Variants in RASAL2 observed in about 807,000 individuals in gnomAD.
RASAL2 encodes the protein ras GTPase-activating protein nGAP.
In RASAL2, 58 loss-of-function variants were observed where a neutral mutation model predicts 128.9. The ratio of observed to expected loss-of-function variants is 0.45; its 90% CI spans 0.36 to 0.56. RASAL2 has a LOEUF of 0.56. RASAL2 is among the 20% of genes least tolerant of loss of function. The probability of loss-of-function intolerance (pLI) is 0.00; values close to 1 mark genes in which losing one functional copy is unlikely to be tolerated. For missense variants in RASAL2, 1,360 were observed against 1,601.6 expected (o/e 0.85, Z 2.57); for synonymous variants, 561 against 580.8 (o/e 0.97, Z 0.49).
At chr1:178,272,031 A>G (rs1419953943) in intron 1 of RASAL2, among the ~76,000 whole-genome samples, 3 of 152,120 alleles carry the variant, frequency 2.0e-5, no homozygotes, top group Non-Finnish European at 4.4e-5. Context: ...GCCTAAGTCT[A>G]TTGCTTGTTG....
intron 1 of RASAL2, among the ~76,000 whole-genome samples, chr1:178,261,112 T>C (rs1665673591): frequency 1.3e-5 from 2 of 152,214 alleles, no homozygotes; most frequent in South Asian, 4.1e-4. Flanking sequence ...TTTGGAACTC[T>C]CTAATTTTAG....
chr1:178,442,149 A>G, intron 7 of RASAL2, among the ~76,000 whole-genome samples: 1 of 152,142 alleles, frequency 6.6e-6, no homozygotes, highest in East Asian at 1.9e-4. Flanking sequence ...CCCCACCTCT[A>G]GCACTGGGGA....
intron 1 of RASAL2, among the ~76,000 whole-genome samples, chr1:178,131,644 A>G (rs1284105368): frequency 1.3e-5 from 2 of 152,080 alleles, no homozygotes; most frequent in African/African-American, 2.4e-5. Flanking sequence ...TTAGCTGAAC[A>G]TTCTTTTATC....
At position 178,228,610 on chromosome 1, in the gene RASAL2, G is replaced by A. The variant is rs543237165; in HGVS notation, c.203-54954G>A. 1.6e-3 allele frequency among the ~76,000 whole-genome samples: 237 copies of A among 152,192 alleles called. 1 individual carries two copies. Among genetic ancestry groups the A allele is most frequent in the African/African-American group, 5.4e-3 (225 of 41,530 alleles). On this transcript the variant is annotated intron_variant, in intron 1 of 17. Coordinates refer to ENST00000367649, the MANE Select transcript of RASAL2 (RefSeq NM_170692.4). ...AAAAAAAGAATTTTGGTAGTTTTTC[G>A]AAACAATTGTGTTGATGGTTTACAA...
chr1:178,295,005 G>A (rs1274273376), intron 2 of RASAL2, among the ~76,000 whole-genome samples: 1 of 152,158 alleles, frequency 6.6e-6, no homozygotes, highest in Non-Finnish European at 1.5e-5. Context: ...TGAGAAATCT[G>A]TTTAAAACCT....
intron 2 of RASAL2, among the ~76,000 whole-genome samples, chr1:178,288,620 C>A (rs1443579061): frequency 6.8e-6 from 1 of 147,376 alleles, no homozygotes; most frequent in Non-Finnish European, 1.5e-5. Context: ...TCATTCCCAT[C>A]AGCATGCTAT....
At chr1:178,348,872 T>G (rs887500222) in intron 3 of RASAL2, among the ~76,000 whole-genome samples, 1 of 150,578 alleles carries the variant, frequency 6.6e-6, no homozygotes, top group Admixed American at 6.6e-5. Flanking sequence ...CGATCTCGGC[T>G]CACTGCAAGC....
chr1:178,207,174 GAT>G (rs1404086426), intron 1 of RASAL2, among the ~76,000 whole-genome samples: 1 of 148,056 alleles, frequency 6.8e-6, no homozygotes, highest in Non-Finnish European at 1.5e-5. Context: ...AAAAAGTAAT[GAT>G]TTTAAAGCAT....
chr1:178,248,733 T>C (rs1484781543), intron 1 of RASAL2, among the ~76,000 whole-genome samples: 2 of 151,960 alleles, frequency 1.3e-5, no homozygotes, highest in Non-Finnish European at 2.9e-5. Flanking sequence ...TGTAAGGCCT[T>C]GTGGTGACAA....
At chr1:178,116,845 C>T (rs1020487479) in intron 1 of RASAL2, among the ~76,000 whole-genome samples, 2 of 152,098 alleles carry the variant, frequency 1.3e-5, no homozygotes, top group Non-Finnish European at 2.9e-5. Flanking sequence ...CTCCTGACCT[C>T]GTGATCCGCC....
intron 1 of RASAL2, among the ~76,000 whole-genome samples, chr1:178,273,745 G>T (rs1017784035): frequency 3.9e-5 from 6 of 152,104 alleles, no homozygotes; most frequent in African/African-American, 1.4e-4. Context: ...CGATAAGAGG[G>T]ATGTTTTTCT....
intron 4 of RASAL2, among the ~76,000 whole-genome samples, chr1:178,412,554 CCA>C (rs953271681): frequency 2.6e-5 from 4 of 152,182 alleles, no homozygotes; most frequent in African/African-American, 7.2e-5. Flanking sequence ...GTATTACTGC[CCA>C]CTCTGTGCAA....
chr1:178,150,062 G>A (rs139836659), intron 1 of RASAL2, among the ~76,000 whole-genome samples: 37 of 152,156 alleles, frequency 2.4e-4, no homozygotes, highest in African/African-American at 8.7e-4. Flanking sequence ...TTACTTCCTT[G>A]TCAATTCATT....
intron 1 of RASAL2, among the ~76,000 whole-genome samples, chr1:178,152,824 T>C (rs532314003): frequency 6.6e-6 from 1 of 152,354 alleles, no homozygotes; most frequent in East Asian, 1.9e-4. Flanking sequence ...TGAACCTGTT[T>C]ACTTTCCAGT....
Position 178,341,340 on chromosome 1 carries a change from G to C in RASAL2, c.457+41222G>C, listed in dbSNP as rs75299672. ...AGTGCTGTGAAAGAAAGCCCAGTGA[G>C]TGAGTAAGGAAGGGTGGCTATTGTT... On this transcript the variant is annotated intron_variant, in intron 3 of 17. Transcript: ENST00000367649. The C allele has an allele frequency of 4.5e-4, 449 of 999,658 alleles. 2 individuals are homozygous for C. The African/African-American group carries it at 6.5e-3, about 15-fold the overall frequency. 61.9% of individuals were successfully genotyped at this position (999,658 alleles called of 1,614,324 possible).
At chr1:178,258,248 C>T (rs1665478800) in intron 1 of RASAL2, among the ~76,000 whole-genome samples, 2 of 148,142 alleles carry the variant, frequency 1.4e-5, no homozygotes, top group East Asian at 2.0e-4. Context: ...GAGCCAAGAT[C>T]GCGCCACTGC....
chr1:178,304,695 C>T (rs1209686357), intron 3 of RASAL2, among the ~76,000 whole-genome samples: 2 of 152,120 alleles, frequency 1.3e-5, no homozygotes, highest in Non-Finnish European at 2.9e-5. Flanking sequence ...TCTTCTTAAA[C>T]GTTTGCCTGT....
chr1:178,186,250 C>T lies in RASAL2; in HGVS notation c.202+91556C>T, dbSNP rs144956922. The stretch of plus-strand genomic sequence containing the variant: ...CTTTTTTTTTTTCTTCTGATACTGA[C>T]AATTTATCTTCTCTCCTTTTTATTT... On this transcript the variant is annotated intron_variant, in intron 1 of 17. Transcript: ENST00000367649. Among the ~76,000 whole-genome samples, 1,046 of 151,080 alleles carry T rather than the reference C, an allele frequency of 6.9e-3. 4 individuals are homozygous for T. The highest frequency in any genetic ancestry group is 0.011 in the Non-Finnish European group (725 of 67,736).
chr1:178,456,656 A>G (rs1677794662), intron 12 of RASAL2, 65 bp from the exon 13 acceptor site: 2 of 1,578,170 alleles, frequency 1.3e-6, no homozygotes, highest in Non-Finnish European at 8.7e-7. Flanking sequence ...CGTTGTGCCA[A>G]AAACAATCTG....
Sources: allele counts gnomAD v4.1 joint callset (sites outside exome capture counted in the v4.1 genomes callset), GRCh38; gene constraint gnomAD v4.1.1; transcripts MANE v1.5; gene names NCBI Gene and HGNC (gene_info 2026-07-23, HGNC 2026-07-21).